RAB5A: variants seen among roughly 807,000 people sequenced by gnomAD.
The protein encoded by RAB5A is ras-related protein Rab-5A.
RAB5A carries 8 observed loss-of-function variants against 25.7 expected under a neutral mutation model. The ratio of observed to expected loss-of-function variants is 0.31; its 90% CI spans 0.18 to 0.56. RAB5A has a LOEUF of 0.56. Ranked by LOEUF, RAB5A falls within the 20% of genes least tolerant of loss-of-function variation. The pLI is 0.91. For synonymous variants in RAB5A, 98 were observed against 89.8 expected, an observed-to-expected ratio of 1.09 and a Z score of -0.52; for missense variants, 192 against 259.7, an observed-to-expected ratio of 0.74 and a Z score of 1.79.
intron 2 of RAB5A, among the ~76,000 whole-genome samples, chr3:19,962,698 A>T (rs553544250): frequency 6.6e-6 from 1 of 152,316 alleles, no homozygotes; most frequent in Admixed American, 6.5e-5. Flanking sequence ...TTAGATATGC[A>T]CATTGTTGTA....
chr3:19,952,985 G>A (rs1204416635), intron 2 of RAB5A, among the ~76,000 whole-genome samples: 1 of 151,858 alleles, frequency 6.6e-6, no homozygotes, highest in Non-Finnish European at 1.5e-5. Flanking sequence ...AAGTATATGT[G>A]CATTCTGGGT....
At chr3:19,983,617 C>T (rs1048225288) in intron 5 of RAB5A, 91 bp from the exon 6 acceptor site, 2 of 889,998 alleles carry the variant, frequency 2.2e-6, no homozygotes, top group African/African-American at 3.3e-5. Context: ...TGGGGGTAAC[C>T]TAACTGGAAA....
In RAB5A at chr3:19,977,114, C is replaced by T. The variant is rs191760302; in HGVS notation, c.438+945C>T. 5.9e-4 allele frequency among the ~76,000 whole-genome samples: 89 copies of T among 151,424 alleles called. 1 individual carries two copies. Among genetic ancestry groups the T allele is most frequent in the Non-Finnish European group, 9.9e-4 (67 of 67,912 alleles). On this transcript the variant is annotated intron_variant, in intron 4 of 5. Transcript: ENST00000273047. The stretch of plus-strand genomic sequence containing the variant: ...TAAGATGGAGTCTTGCTCAGTTGCC[C>T]AGGCTGGAGTGCAGTGGCGCAATCT...
chr3:19,950,353 A>G (rs1696405457), intron 1 of RAB5A, among the ~76,000 whole-genome samples: 1 of 152,224 alleles, frequency 6.6e-6, no homozygotes, highest in Non-Finnish European at 1.5e-5. Flanking sequence ...TTAATAACAT[A>G]ATTTTTCTCA....
At position 19,978,341 on chromosome 3, in the gene RAB5A, T is replaced by G; in HGVS notation, c.470T>G (p.Leu157Ter). The change falls in exon 5 of 6, where the codon TTA (leucine) becomes TGA (stop). Residue 157 changes from leucine to a stop codon, truncating the protein, a stop_gained. Transcript: ENST00000273047. LOFTEE classifies it high-confidence loss of function. ...CAGTCCTATGCAGATGACAATAGTT[T>G]ATTATTCATGGAGACATCCGCTAAA... ...EAQSYADDNS[L>*]LFMETSAKTS... The G allele has an allele frequency of 6.2e-7, 1 of 1,611,024 alleles. No homozygotes were observed. Among genetic ancestry groups the G allele is most frequent in the Non-Finnish European group, 8.5e-7 (1 of 1,177,482 alleles).
chr3:19,974,052 G>A (rs1003369440), intron 2 of RAB5A, among the ~76,000 whole-genome samples: 2 of 152,182 alleles, frequency 1.3e-5, no homozygotes, highest in African/African-American at 4.8e-5. Context: ...GTAGAAGGAA[G>A]GGAGGAGCAT....
chr3:19,965,861 T>C (rs1276369528), intron 2 of RAB5A, among the ~76,000 whole-genome samples: 1 of 151,962 alleles, frequency 6.6e-6, no homozygotes, highest in African/African-American at 2.4e-5. Context: ...CCCCGCCCAG[T>C]AGCTGGGACT....
intron 5 of RAB5A, among the ~76,000 whole-genome samples, chr3:19,982,951 G>T (rs1364563923): frequency 1.3e-5 from 2 of 152,130 alleles, no homozygotes; most frequent in African/African-American, 4.8e-5. Flanking sequence ...AAAAATGTTT[G>T]TGGCAGTCTA....
At chr3:19,965,083 G>A (rs1182323434) in intron 2 of RAB5A, among the ~76,000 whole-genome samples, 3 of 151,818 alleles carry the variant, frequency 2.0e-5, no homozygotes, top group Admixed American at 6.6e-5. Flanking sequence ...CACCATGCCC[G>A]ACTAATTTTT....
chr3:19,965,935 C>T (rs1696655588), intron 2 of RAB5A, among the ~76,000 whole-genome samples: 2 of 152,162 alleles, frequency 1.3e-5, no homozygotes, highest in South Asian at 4.2e-4. Context: ...TCCATGTTGC[C>T]CGGGCTGGTC....
chr3:19,981,879 C>T (rs1287200527), intron 5 of RAB5A, among the ~76,000 whole-genome samples: 2 of 152,178 alleles, frequency 1.3e-5, no homozygotes, highest in South Asian at 4.1e-4. Context: ...GAGATGAGGT[C>T]TTCAGGATAA....
chr3:19,971,890 T>C (rs1473199715), intron 2 of RAB5A, among the ~76,000 whole-genome samples: 1 of 152,230 alleles, frequency 6.6e-6, no homozygotes, highest in Non-Finnish European at 1.5e-5. Context: ...TGCCTCTCTC[T>C]ACATTCAAAT....
chr3:19,971,517 G>C (rs1400100576), intron 2 of RAB5A, among the ~76,000 whole-genome samples: 2 of 152,056 alleles, frequency 1.3e-5, no homozygotes, highest in African/African-American at 4.8e-5. Flanking sequence ...TGTTGCCCAG[G>C]CTGGAGAGCA....
At chr3:19,969,261 C>G (rs939117927) in intron 2 of RAB5A, among the ~76,000 whole-genome samples, 1 of 151,952 alleles carries the variant, frequency 6.6e-6, no homozygotes, top group South Asian at 2.1e-4. Flanking sequence ...CCTGGCTGGT[C>G]TTGAACTCCT....
intron 2 of RAB5A, among the ~76,000 whole-genome samples, chr3:19,956,513 A>G (rs1238412124): frequency 1.3e-5 from 2 of 152,240 alleles, no homozygotes; most frequent in African/African-American, 2.4e-5. Flanking sequence ...TTCTACTTAC[A>G]TATTTAACAT....
intron 5 of RAB5A, chr3:19,978,614 A>T: frequency 2.1e-6 from 1 of 468,978 alleles, no homozygotes; most frequent in Non-Finnish European, 3.8e-6. Flanking sequence ...AATTTGAAAG[A>T]TGATTACCTA....
intron 5 of RAB5A, among the ~76,000 whole-genome samples, chr3:19,980,481 CTT>C (rs1049473444): frequency 4.0e-5 from 6 of 148,782 alleles, no homozygotes; most frequent in African/African-American, 1.5e-4. Flanking sequence ...TGAAGGAACA[CTT>C]TGATAGATTA....
At chr3:19,961,493 T>C (rs926066701) in intron 2 of RAB5A, among the ~76,000 whole-genome samples, 1 of 152,168 alleles carries the variant, frequency 6.6e-6, no homozygotes, top group Non-Finnish European at 1.5e-5. Context: ...TTGCTATGTA[T>C]CACTTAAGGA....
intron 2 of RAB5A, among the ~76,000 whole-genome samples, chr3:19,969,626 TAATCA>T (rs1696716092): frequency 6.6e-6 from 1 of 152,224 alleles, no homozygotes; most frequent in Non-Finnish European, 1.5e-5. Flanking sequence ...TATTTTTGTG[TAATCA>T]AATCTGTAGT....
Sources: allele counts gnomAD v4.1 joint callset (sites outside exome capture counted in the v4.1 genomes callset), GRCh38; gene constraint gnomAD v4.1.1; transcripts MANE v1.5; gene names NCBI Gene and HGNC (gene_info 2026-07-23, HGNC 2026-07-21).